The following TUBGCP5 variants were observed in gnomAD, a reference collection of about 807,000 sequenced individuals.
TUBGCP5 encodes tubulin gamma complex component 5.
A neutral mutation model predicts 134.7 loss-of-function variants in TUBGCP5; 98 were observed. The observed-to-expected ratio is 0.73, with a 90% CI of 0.62 to 0.86. The LOEUF (loss-of-function observed/expected upper bound fraction) is 0.86. Ranked by LOEUF, TUBGCP5 falls within the 40% of genes least tolerant of loss-of-function variation. The probability of loss-of-function intolerance (pLI) is 0.00; values close to 1 mark genes in which losing one functional copy is unlikely to be tolerated. For missense variants in TUBGCP5, 1,150 were observed against 1,244.8 expected, an observed-to-expected ratio of 0.92 and a Z score of 1.15; for synonymous variants, 456 against 431.4, an observed-to-expected ratio of 1.06 and a Z score of -0.71.
chr15:23,017,894 C>A lies in TUBGCP5; in HGVS notation c.1635G>T (p.Gln545His), dbSNP rs1325330452. The change falls in exon 13 of 23, where the codon CAG becomes CAT. Residue 545 changes from glutamine to histidine, a missense_variant. By Grantham distance (24) the Gln-to-His change is conservative. Transcript: ENST00000615383. ...SGSDQGPSSR[Q>H]HTMVSFLKPV... ...GTTTGAGGAAGGACACCATGGTGTG[C>A]TGCCTGCTGGAGGGCCCCTGGTCAC... The A allele has an allele frequency of 6.2e-7, 1 of 1,614,150 alleles. No individual in the cohort carries two copies. The highest frequency in any genetic ancestry group is 1.1e-5 in the South Asian group (1 of 91,084).
At chr15:23,003,286 G>T (rs879533488) in intron 20 of TUBGCP5, 133 bp from the exon 21 acceptor site, 14 of 781,228 alleles carry the variant, frequency 1.8e-5, no homozygotes, top group Non-Finnish European at 2.9e-5. Flanking sequence ...ATATGGAAGG[G>T]TACTAGGCTC....
Position 22,985,461 on chromosome 15 carries a change from G to A in TUBGCP5, c.*62-1850C>T, listed in dbSNP as rs534061273. 5.9e-5 allele frequency among the ~76,000 whole-genome samples: 9 copies of A among 151,990 alleles called. No homozygotes were observed. The East Asian group carries it at 1.4e-3, about 23-fold the overall frequency. On this transcript the variant is annotated intron_variant and NMD_transcript_variant, in intron 23 of 23. Coordinates refer to the TUBGCP5 transcript ENST00000614508. The stretch of plus-strand genomic sequence containing the variant: ...TCAAACTCCCGACCTCAGGTGATCC[G>A]CCTGCCTCGGCCTCCCAAAGTGCTA...
intron 13 of TUBGCP5, among the ~76,000 whole-genome samples, chr15:23,014,626 G>A (rs553852114): frequency 8.5e-5 from 13 of 152,318 alleles, no homozygotes; most frequent in Non-Finnish European, 7.3e-5. Context: ...CGGCCAACAA[G>A]CCATGTGACC....
rs913806422 is a variant in TUBGCP5, at chr15:23,013,460, C to T, written c.1757-2129G>A. Among the ~76,000 whole-genome samples the T allele has an allele frequency of 3.9e-5, 6 of 152,088 alleles. No homozygotes were observed. The highest frequency in any genetic ancestry group is 2.1e-4 in the South Asian group (1 of 4,812). ...GACTCCGTCTCAAAAAAAAAAGATC[C>T]GACTGGAGTTGAAGGGCGAGTGCTG... On this transcript the variant is annotated intron_variant, in intron 13 of 22. Coordinates refer to ENST00000615383, the MANE Select transcript of TUBGCP5 (RefSeq NM_052903.6). The surrounding 1 kb of genome is among the most constrained non-coding windows in gnomAD (Gnocchi z 4.5).
At chr15:23,003,290 T>A in intron 20 of TUBGCP5, 137 bp from the exon 21 acceptor site, 2 of 765,176 alleles carry the variant, frequency 2.6e-6, no homozygotes, top group Non-Finnish European at 4.3e-6. Flanking sequence ...GGAAGGGTAC[T>A]AGGCTCTGAA....
intron 23 of TUBGCP5, among the ~76,000 whole-genome samples, chr15:22,993,776 C>T (rs1039828119): frequency 6.6e-6 from 1 of 151,590 alleles, no homozygotes; most frequent in African/African-American, 2.4e-5. Context: ...AACTCCTGAC[C>T]TCAGATGATC....
chr15:23,024,637 G>T, intron 9 of TUBGCP5, 100 bp downstream of exon 9: 1 of 644,520 alleles, frequency 1.6e-6, no homozygotes, highest in South Asian at 2.8e-5. Flanking sequence ...AAGCAAGAAC[G>T]AGTTCAATAG....
intron 3 of TUBGCP5, among the ~76,000 whole-genome samples, 179 bp from the exon 4 acceptor site, chr15:23,033,003 C>T (rs1285267847): frequency 1.3e-5 from 2 of 152,148 alleles, no homozygotes; most frequent in East Asian, 3.9e-4. Flanking sequence ...AATGCATACA[C>T]ATAAGGAACC....
At position 23,026,189 on chromosome 15, in the gene TUBGCP5, T is replaced by C; in HGVS notation, c.754A>G (p.Ser252Gly). ...LAAVWDQHLY[S>G]SDPLYVPDDR... The stretch of plus-strand genomic sequence containing the variant: ...TCTGGAACATACAATGGATCACTGC[T>C]GTACAAGTGTTGGTCCCTATGAGAC... The change falls in exon 8 of 23, where the codon AGC (serine) becomes GGC (glycine). Residue 252 changes from serine to glycine, a missense_variant. By Grantham distance (56) the Ser-to-Gly change is moderately conservative (BLOSUM62 0). Transcript: ENST00000615383. 1 of 1,613,300 alleles carries C rather than the reference T, an allele frequency of 6.2e-7. No homozygotes were observed. Among genetic ancestry groups the C allele is most frequent in the East Asian group, 2.2e-5 (1 of 44,806 alleles).
In TUBGCP5 at chr15:23,005,557, G is replaced by A; in HGVS notation, c.2587C>T (p.Gln863Ter). 2 of 1,614,152 alleles carry A rather than the reference G, an allele frequency of 1.2e-6. No homozygotes were observed. The highest frequency in any genetic ancestry group is 1.7e-6 in the Non-Finnish European group (2 of 1,180,024). ...GGTCCGAACTGAGCAACTGTGTCTT[G>A]TTCATGTATAAGGCCTTCTTTAAGT... Reference protein sequence around the residue: ...PRLKEGLIHEQDTVAQFGPQK... With the variant: ...PRLKEGLIHE Residue 863 changes from glutamine to a stop codon, truncating the protein, a stop_gained, in exon 19 of 23, where the codon CAA (glutamine) becomes TAA (stop). Transcript: ENST00000615383. LOFTEE classifies it high-confidence loss of function.
In TUBGCP5 at chr15:23,013,027, T is replaced by C. The variant is rs1316188427; in HGVS notation, c.1757-1696A>G. On this transcript the variant is annotated intron_variant, in intron 13 of 22. Coordinates refer to ENST00000615383, the MANE Select transcript of TUBGCP5 (RefSeq NM_052903.6). The surrounding 1 kb of genome is among the most constrained non-coding windows in gnomAD (Gnocchi z 4.5). ...TGAGGCATGAGAAATCACTTGAACC[T>C]GTGAGGCAGAAGTTGCAGTGAGCCG... Among the ~76,000 whole-genome samples the C allele has an allele frequency of 6.6e-6, 1 of 151,964 alleles. No homozygotes were observed. Among genetic ancestry groups the C allele is most frequent in the Non-Finnish European group, 1.5e-5 (1 of 67,978 alleles).
chr15:23,013,298 A>G lies in TUBGCP5; in HGVS notation c.1757-1967T>C, dbSNP rs895061802. Among the ~76,000 whole-genome samples, 10 of 151,756 alleles carry G rather than the reference A, an allele frequency of 6.6e-5. No individual in the cohort carries two copies. The highest frequency in any genetic ancestry group is 1.2e-4 in the Non-Finnish European group (8 of 67,922). On this transcript the variant is annotated intron_variant, in intron 13 of 22. Transcript: ENST00000615383. The surrounding 1 kb of genome is among the most constrained non-coding windows in gnomAD (Gnocchi z 4.5). ...AAACCCCGTCTCTACTAAAAATACA[A>G]AAAAATTAGCCGGGCACGGTGGTGT...
At chr15:23,037,260 TC>T in intron 1 of TUBGCP5, 108 bp from the exon 2 acceptor site, 1 of 1,049,932 alleles carries the variant, frequency 9.5e-7, no homozygotes, top group Non-Finnish European at 1.4e-6. Flanking sequence ...GCTACACATT[TC>T]CAGAATGGAG....
chr15:23,003,204 G>A, intron 20 of TUBGCP5, 51 bp from the exon 21 acceptor site: 2 of 1,536,248 alleles, frequency 1.3e-6, no homozygotes, highest in Non-Finnish European at 1.8e-6. Context: ...TTTGGACACT[G>A]ATACCAACAC....
At chr15:22,991,895 A>C (rs1351279797) in intron 23 of TUBGCP5, among the ~76,000 whole-genome samples, 2 of 152,136 alleles carry the variant, frequency 1.3e-5, no homozygotes, top group African/African-American at 4.8e-5. Flanking sequence ...TTTTTCTTCC[A>C]GGCAAGGCAT....
intron 23 of TUBGCP5, among the ~76,000 whole-genome samples, chr15:22,987,818 C>T (rs1200950404): frequency 6.7e-6 from 1 of 148,684 alleles, no homozygotes; most frequent in African/African-American, 2.5e-5. Context: ...ATGGCATGAA[C>T]CCGGGAGGCA....
At chr15:23,004,060 T>G in intron 20 of TUBGCP5, 42 bp downstream of exon 20, 1 of 1,559,760 alleles carries the variant, frequency 6.4e-7, no homozygotes. Flanking sequence ...ACAGCGCCAC[T>G]CGCCCAGCAG....
At position 23,024,806 on chromosome 15, in the gene TUBGCP5, G is replaced by A. The variant is rs761303472; in HGVS notation, c.852C>T (p.Leu284=). Residue 284 remains leucine (L), a synonymous_variant, in exon 9 of 23, where the codon CTC becomes CTT. Coordinates refer to ENST00000615383, the MANE Select transcript of TUBGCP5 (RefSeq NM_052903.6). Reference sequence around the variant, plus strand: ...TCCCATCTATCAACTGAAATATAAAGAGCTTTTTCACTCCTGAAAGTAACC... The same window carrying A: ...TCCCATCTATCAACTGAAATATAAAAAGCTTTTTCACTCCTGAAAGTAACC... The part of the protein sequence containing the change: ...TLWLLSGVKK[L]FIFQLIDGKV... 11 of 1,595,262 alleles carry A rather than the reference G, an allele frequency of 6.9e-6. No individual in the cohort carries two copies. The Admixed American group carries it at 1.9e-4, about 28-fold the overall frequency.
In TUBGCP5 at chr15:23,021,946, A is replaced by T; in HGVS notation, c.1371+13T>A. ...GCATGGAGTCACACACTTTAGGCAG[A>T]AGTCTCACTTACGGTTTGCTCAGAG... On this transcript the variant is annotated intron_variant, in intron 11 of 22. Transcript: ENST00000615383. The T allele has an allele frequency of 6.2e-7, 1 of 1,613,660 alleles. No individual in the cohort carries two copies. The highest frequency in any genetic ancestry group is 8.5e-7 in the Non-Finnish European group (1 of 1,179,562).
Sources: allele counts gnomAD v4.1 joint callset (sites outside exome capture counted in the v4.1 genomes callset), GRCh38; gene constraint gnomAD v4.1.1; non-coding constraint Gnocchi (gnomAD v3.1); transcripts MANE v1.5; gene names NCBI Gene and HGNC (gene_info 2026-07-23, HGNC 2026-07-21).